STX8: variants seen among roughly 807,000 people sequenced by gnomAD.
STX8 encodes the protein syntaxin 8.
STX8 carries 23 observed loss-of-function variants against 37.5 expected under a neutral mutation model. The ratio of observed to expected loss-of-function variants is 0.61; its 90% CI spans 0.44 to 0.87. The LOEUF is 0.87. STX8 is among the 40% of genes least tolerant of loss of function. The pLI, the probability that STX8 is intolerant of heterozygous loss-of-function variation, is 0.00. For missense variants in STX8, 313 were observed against 284.7 expected (o/e 1.10, Z -0.71); for synonymous variants, 115 against 99.1 (o/e 1.16, Z -0.95).
Position 9,517,750 on chromosome 17 carries a change from T to G in STX8, c.324-12588A>C, listed in dbSNP as rs973587135. 3.6e-5 allele frequency among the ~76,000 whole-genome samples: 5 copies of G among 138,156 alleles called. No homozygotes were observed. In the Admixed American group the frequency reaches 3.8e-4, roughly 11 times the overall value. The allele number at this position is 138,156 out of a possible 152,430, so 90.6% of individuals were successfully genotyped here. A position where few individuals can be genotyped will look rare whatever the true frequency, so the allele number is the denominator to read the frequency against. On this transcript the variant is annotated intron_variant, in intron 4 of 7. Transcript: ENST00000306357. ...AGGAGGACTGTTTGAGCCCAAGAGT[T>G]CAAGACCAGCCTGGGCAACAAAGCA...
chr17:9,390,584 T>C (rs1170942723), intron 6 of STX8, among the ~76,000 whole-genome samples: 1 of 149,914 alleles, frequency 6.7e-6, no homozygotes, highest in Non-Finnish European at 1.5e-5. Flanking sequence ...TCCCAGCACT[T>C]TGGGAGGCTG....
chr17:9,491,981 A>T, intron 5 of STX8, 60 bp from the exon 6 acceptor site: 2 of 1,219,606 alleles, frequency 1.6e-6, no homozygotes, highest in South Asian at 2.7e-5. Flanking sequence ...TAAAGTCCAT[A>T]AGTATACCCA....
intron 7 of STX8, among the ~76,000 whole-genome samples, chr17:9,274,602 G>A (rs1372430871): frequency 2.0e-5 from 3 of 149,938 alleles, no homozygotes; most frequent in Non-Finnish European, 4.4e-5. Flanking sequence ...TGTGAACCCC[G>A]GAGGCAGAGC....
chr17:9,266,188 C>G (rs1261463366), intron 7 of STX8, among the ~76,000 whole-genome samples: 1 of 152,166 alleles, frequency 6.6e-6, no homozygotes, highest in Non-Finnish European at 1.5e-5. Context: ...ACTGGAAACA[C>G]AGAGGGGTGT....
chr17:9,300,051 G>T (rs575403316), intron 7 of STX8, among the ~76,000 whole-genome samples: 1 of 152,042 alleles, frequency 6.6e-6, no homozygotes, highest in Non-Finnish European at 1.5e-5. Flanking sequence ...CCCCAATTAG[G>T]CAGGGTGCGG....
intron 7 of STX8, among the ~76,000 whole-genome samples, chr17:9,310,252 C>T (rs1909145007): frequency 6.6e-6 from 1 of 152,174 alleles, no homozygotes; most frequent in South Asian, 2.1e-4. Context: ...TCAGCGTTGA[C>T]TTTCTACTCC....
chr17:9,359,354 T>C (rs1910985233), intron 7 of STX8, among the ~76,000 whole-genome samples: 1 of 152,064 alleles, frequency 6.6e-6, no homozygotes, highest in East Asian at 1.9e-4. Flanking sequence ...GTGGAAGTTA[T>C]CACCTTCAAG....
At chr17:9,400,130 TCTCA>T (rs1912554417) in intron 6 of STX8, among the ~76,000 whole-genome samples, 1 of 146,896 alleles carries the variant, frequency 6.8e-6, no homozygotes, top group Non-Finnish European at 1.5e-5. Flanking sequence ...TGAGACGGAG[TCTCA>T]CTCTGTCGCC....
chr17:9,396,628 T>C (rs1485847968), intron 6 of STX8, among the ~76,000 whole-genome samples: 1 of 151,518 alleles, frequency 6.6e-6, no homozygotes, highest in African/African-American at 2.4e-5. Flanking sequence ...GAGATTCGCT[T>C]GAACCCAGGA....
At chr17:9,303,971 A>AC (rs1157293073) in intron 7 of STX8, among the ~76,000 whole-genome samples, 1 of 151,850 alleles carries the variant, frequency 6.6e-6, no homozygotes, top group African/African-American at 2.4e-5. Flanking sequence ...ACTTTTCATG[A>AC]CAAAAAAAAA....
chr17:9,449,492 C>A (rs190447534), intron 6 of STX8, among the ~76,000 whole-genome samples: 1 of 152,064 alleles, frequency 6.6e-6, no homozygotes. Context: ...CCCCGGGGGA[C>A]GGAGCCTGCA....
intron 6 of STX8, among the ~76,000 whole-genome samples, chr17:9,458,370 C>T (rs899299567): frequency 3.9e-5 from 6 of 151,988 alleles, no homozygotes; most frequent in Non-Finnish European, 5.9e-5. Context: ...AGGATGGTGT[C>T]GATCTCCTGA....
chr17:9,376,500 G>A (rs1464500685), intron 7 of STX8, among the ~76,000 whole-genome samples: 2 of 152,150 alleles, frequency 1.3e-5, no homozygotes, highest in African/African-American at 4.8e-5. Flanking sequence ...CAATCAGCAG[G>A]ACATGGGCGG....
At chr17:9,349,652 A>G (rs1395513763) in intron 7 of STX8, among the ~76,000 whole-genome samples, 1 of 152,012 alleles carries the variant, frequency 6.6e-6, no homozygotes, top group Non-Finnish European at 1.5e-5. Flanking sequence ...TAGGCACAGT[A>G]AGAGATTAAC....
intron 7 of STX8, among the ~76,000 whole-genome samples, chr17:9,319,655 A>C (rs1485451989): frequency 6.6e-6 from 1 of 152,052 alleles, no homozygotes; most frequent in Non-Finnish European, 1.5e-5. Context: ...AAAAATTTCA[A>C]AATAAAATGA....
intron 6 of STX8, among the ~76,000 whole-genome samples, chr17:9,446,840 C>G (rs749557938): frequency 1.5e-4 from 23 of 152,128 alleles, no homozygotes; most frequent in Non-Finnish European, 3.2e-4. Context: ...ACTGCCAAAA[C>G]AGTTTGTTTT....
rs10552538 is a variant in STX8 at position 9,414,783 on chromosome 17, C to CTTTTT, written c.542-36135_542-36131dup. 3.7e-3 allele frequency among the ~76,000 whole-genome samples: 209 copies of CTTTTT among 57,250 alleles called. 2 individuals carry two copies. The highest frequency in any genetic ancestry group is 5.3e-3 in the East Asian group (8 of 1,506). The allele number at this position is 57,250 out of a possible 152,430, so 37.6% of individuals were successfully genotyped here. On this transcript the variant is annotated intron_variant, in intron 6 of 7. Transcript: ENST00000306357. ...TTTGGAAACTGATACCTGAGTTCTG[C>CTTTTT]TTTTTTTTTTTTTTTTTTTTTTTTG...
chr17:9,279,685 C>T (rs1907809448), intron 7 of STX8, among the ~76,000 whole-genome samples: 2 of 151,760 alleles, frequency 1.3e-5, no homozygotes, highest in Non-Finnish European at 2.9e-5. Flanking sequence ...TACAGAACAT[C>T]CCCAGAAGCA....
intron 6 of STX8, among the ~76,000 whole-genome samples, chr17:9,481,916 C>G (rs1042818151): frequency 2.6e-5 from 4 of 152,206 alleles, no homozygotes; most frequent in Non-Finnish European, 4.4e-5. Context: ...AACTACCCCC[C>G]ATCCTGGTCC....
Sources: gnomAD v4.1 joint callset for allele counts (sites outside exome capture counted in the v4.1 genomes callset) on GRCh38, gnomAD v4.1.1 for gene constraint, MANE v1.5 for transcripts, NCBI Gene and HGNC (gene_info 2026-07-23, HGNC 2026-07-21) for gene names.